HNRNPA2B1: variants seen among roughly 807,000 people sequenced by gnomAD.
HNRNPA2B1 encodes heterogeneous nuclear ribonucleoproteins A2/B1.
A neutral mutation model predicts 46.3 loss-of-function variants in HNRNPA2B1; 3 were observed. That is an observed-to-expected ratio of 0.06 (90% CI 0.03 to 0.17). The LOEUF (loss-of-function observed/expected upper bound fraction) is 0.17. Ranked by LOEUF, HNRNPA2B1 falls within the 10% of genes least tolerant of loss-of-function variation. HNRNPA2B1 has a pLI of 1.00. For synonymous variants in HNRNPA2B1, 225 were observed against 133.8 expected, an observed-to-expected ratio of 1.68 and a Z score of -4.70; for missense variants, 221 against 418.9, an observed-to-expected ratio of 0.53 and a Z score of 4.12.
Position 26,190,308 on chromosome 7 carries a change from T to C in HNRNPA2B1, c.*2052A>G, listed in dbSNP as rs1281649711. 6.6e-6 allele frequency: 1 copy of C among 152,452 alleles called. No homozygotes were observed. The highest frequency in any genetic ancestry group is 1.9e-4 in the East Asian group (1 of 5,202). 9.4% of individuals were successfully genotyped at this position (152,452 alleles called of 1,614,324 possible). On this transcript the variant is annotated 3_prime_UTR_variant, in exon 11 of 11. Coordinates refer to ENST00000618183, the MANE Select transcript of HNRNPA2B1 (RefSeq NM_002137.4). ...ATCAAGAACCTCAACTAAATGTTTG[T>C]TTTATCAGAAAACATTTCCCTTTTA...
intron 1 of HNRNPA2B1, chr7:26,198,947 G>C (rs528022778): frequency 2.6e-5 from 4 of 152,060 alleles, no homozygotes; most frequent in African/African-American, 4.8e-5. Flanking sequence ...TTTTCCTGTA[G>C]TTTTCATGAC....
chr7:26,193,225 G>T (rs550604124), intron 9 of HNRNPA2B1, 26 bp downstream of exon 9: 1 of 1,601,476 alleles, frequency 6.2e-7, no homozygotes, highest in South Asian at 1.1e-5. Flanking sequence ...ACAAAAATCT[G>T]AATAACCTCA....
Position 26,200,666 on chromosome 7 carries a change from G to A in HNRNPA2B1, c.-89C>T, listed in dbSNP as rs1784331694. 4.6e-6 allele frequency: 7 copies of A among 1,537,998 alleles called. No homozygotes were observed. Among genetic ancestry groups the A allele is most frequent in the Non-Finnish European group, 6.3e-6 (7 of 1,114,194 alleles). The stretch of plus-strand genomic sequence containing the variant: ...ACGAACACGAACCGGACTCGTCCTG[G>A]CGCTGTAGTGAGAACTGCCGCTGCT... On this transcript the variant is annotated 5_prime_UTR_variant, in exon 1 of 11. Coordinates refer to ENST00000618183, the MANE Select transcript of HNRNPA2B1 (RefSeq NM_002137.4).
intron 1 of HNRNPA2B1, chr7:26,200,051 C>G (rs922094191): frequency 1.3e-5 from 2 of 159,994 alleles, no homozygotes; most frequent in South Asian, 2.9e-4. Flanking sequence ...AATAGTTAAC[C>G]ACTTCTACTT....
intron 3 of HNRNPA2B1, 91 bp downstream of exon 3, chr7:26,197,224 T>G: frequency 7.0e-7 from 1 of 1,435,256 alleles, no homozygotes; most frequent in Admixed American, 2.3e-5. Context: ...AGAAAAAATC[T>G]TGAGTTAAAA....
At position 26,190,796 on chromosome 7, in the gene HNRNPA2B1, A is replaced by T. The variant is rs1169828969; in HGVS notation, c.*1564T>A. On this transcript the variant is annotated 3_prime_UTR_variant, in exon 11 of 11. Transcript: ENST00000618183. ...AGTATGAACTACTATCTGAAAATAG[A>T]TTCAACCATTTTTGCCCTACCTTCT... 1 of 152,276 alleles carries T rather than the reference A, an allele frequency of 6.6e-6. No individual in the cohort carries two copies. The highest frequency in any genetic ancestry group is 1.5e-5 in the Non-Finnish European group (1 of 68,024). 9.4% of individuals were successfully genotyped at this position (152,276 alleles called of 1,614,324 possible). A position where few individuals can be genotyped will look rare whatever the true frequency, so the allele number is the denominator to read the frequency against.
chr7:26,199,106 A>ATCT (rs1305769367), intron 1 of HNRNPA2B1: 1 of 152,426 alleles, frequency 6.6e-6, no homozygotes, highest in Admixed American at 6.5e-5. Flanking sequence ...CACATAGGTT[A>ATCT]TCTCTAAACT....
In HNRNPA2B1 at chr7:26,196,829, A is replaced by G. The variant is rs1255405222; in HGVS notation, c.453T>C (p.His151=). The part of the protein sequence containing the change: ...RGFGFVTFDD[H]DPVDKIVLQK... The stretch of plus-strand genomic sequence containing the variant: ...TACATACGATTTTATCCACAGGATC[A>G]TGGTCATCAAAAGTAACAAAGCCAA... Residue 151 remains histidine (H), a synonymous_variant, in exon 4 of 11, where the codon CAT becomes CAC. Transcript: ENST00000618183. The G allele has an allele frequency of 6.2e-7, 1 of 1,613,766 alleles. No homozygotes were observed. Among genetic ancestry groups the G allele is most frequent in the East Asian group, 2.2e-5 (1 of 44,884 alleles).
At chr7:26,197,784 G>A (rs1388243097) in intron 1 of HNRNPA2B1, 52 bp from the exon 2 acceptor site, 1 of 1,593,870 alleles carries the variant, frequency 6.3e-7, no homozygotes, top group Non-Finnish European at 8.6e-7. Flanking sequence ...CTCTTTGTAT[G>A]CAGGAAATTA....
At position 26,194,163 on chromosome 7, in the gene HNRNPA2B1, G is replaced by A. The variant is rs112147981; in HGVS notation, c.722-469C>T. 4.5e-3 allele frequency among the ~76,000 whole-genome samples: 689 copies of A among 152,174 alleles called. 8 individuals are homozygous for A. The highest frequency in any genetic ancestry group is 0.016 in the African/African-American group (668 of 41,520). On this transcript the variant is annotated intron_variant, in intron 7 of 10. Coordinates refer to ENST00000618183, the MANE Select transcript of HNRNPA2B1 (RefSeq NM_002137.4). ...GTAATCCCAGCACTTTGGGAAGGCC[G>A]AGGCGGACGGATCACGAGGTCAAGA...
chr7:26,200,737 TGCTG>T lies in HNRNPA2B1; in HGVS notation c.-164_-161del. The T allele has an allele frequency of 1.2e-6, 1 of 864,048 alleles. No homozygotes were observed. Among genetic ancestry groups the T allele is most frequent in the Non-Finnish European group, 1.9e-6 (1 of 524,760 alleles). 53.5% of individuals were successfully genotyped at this position (864,048 alleles called of 1,614,324 possible). A position where few individuals can be genotyped will look rare whatever the true frequency, so the allele number is the denominator to read the frequency against. On this transcript the variant is annotated 5_prime_UTR_variant, in exon 1 of 11. Coordinates refer to ENST00000618183, the MANE Select transcript of HNRNPA2B1 (RefSeq NM_002137.4). The stretch of plus-strand genomic sequence containing the variant: ...AGCACCTCCGCACGGGACCCGGCGC[TGCTG>T]CTACTGCCGCTAGAGCCGCTGCCGC...
intron 9 of HNRNPA2B1, among the ~76,000 whole-genome samples, chr7:26,192,944 G>T (rs1431340373): frequency 6.6e-6 from 1 of 152,072 alleles, no homozygotes; most frequent in Non-Finnish European, 1.5e-5. Flanking sequence ...TAACTTCAAA[G>T]ACCCTCATTC....
At chr7:26,198,014 C>G in intron 1 of HNRNPA2B1, 2 of 444,408 alleles carry the variant, frequency 4.5e-6, no homozygotes, top group East Asian at 7.0e-5. Context: ...ATTAAATTAT[C>G]TTAAATTATT....
intron 6 of HNRNPA2B1, 24 bp from the exon 7 acceptor site, chr7:26,195,933 A>G (rs1296314994): frequency 2.5e-6 from 4 of 1,594,892 alleles, no homozygotes; most frequent in East Asian, 2.2e-5. Context: ...AAAAAAGATT[A>G]CGTTTACTAT....
intron 1 of HNRNPA2B1, chr7:26,198,030 A>C (rs1783856133): frequency 2.5e-6 from 1 of 406,502 alleles, no homozygotes; most frequent in South Asian, 6.2e-5. Context: ...TTATTAATTA[A>C]AAAAAAAACT....
intron 7 of HNRNPA2B1, among the ~76,000 whole-genome samples, chr7:26,194,377 CAGAG>C (rs998934608): frequency 2.0e-5 from 3 of 151,892 alleles, no homozygotes; most frequent in Non-Finnish European, 4.4e-5. Context: ...GCCTGGGCGA[CAGAG>C]AGAGACTCCC....
intron 8 of HNRNPA2B1, 53 bp downstream of exon 8, chr7:26,193,522 A>G: frequency 1.3e-6 from 2 of 1,562,072 alleles, no homozygotes; most frequent in South Asian, 2.4e-5. Context: ...ATCAAGTGTT[A>G]CAAAGACATT....
chr7:26,198,186 C>T (rs1358874050), intron 1 of HNRNPA2B1: 2 of 224,598 alleles, frequency 8.9e-6, no homozygotes, highest in South Asian at 3.1e-4. Flanking sequence ...TACTTATGAC[C>T]CAAAGTTTTT....
intron 7 of HNRNPA2B1, among the ~76,000 whole-genome samples, chr7:26,195,261 G>GA (rs1224406071): frequency 6.6e-6 from 1 of 152,062 alleles, no homozygotes; most frequent in Non-Finnish European, 1.5e-5. Context: ...GGCAACACCA[G>GA]AAATCAAGTC....
Sources: allele counts gnomAD v4.1 joint callset (sites outside exome capture counted in the v4.1 genomes callset), GRCh38; gene constraint gnomAD v4.1.1; transcripts MANE v1.5; gene names NCBI Gene and HGNC (gene_info 2026-07-23, HGNC 2026-07-21).